Variants in AGPAT5 observed in about 807,000 individuals in gnomAD.
The protein encoded by AGPAT5 is 1-acyl-sn-glycerol-3-phosphate acyltransferase epsilon.
A neutral mutation model predicts 45.6 loss-of-function variants in AGPAT5; 46 were observed. The ratio of observed to expected loss-of-function variants is 1.01; its 90% CI spans 0.80 to 1.29. AGPAT5 has a LOEUF of 1.29. Among genes scored for constraint, AGPAT5 ranks in the 50% most tolerant of loss-of-function variants. The pLI, the probability that AGPAT5 is intolerant of heterozygous loss-of-function variation, is 0.00. For missense variants in AGPAT5, 673 were observed against 450.7 expected (o/e 1.49, Z -4.47); for synonymous variants, 272 against 167.0 (o/e 1.63, Z -4.85).
chr8:6,756,090 T>A (rs983025211), intron 7 of AGPAT5, among the ~76,000 whole-genome samples: 7 of 152,236 alleles, frequency 4.6e-5, no homozygotes, highest in African/African-American at 1.7e-4. Flanking sequence ...TATAAAGCAA[T>A]AGAAGCGCTT....
chr8:6,710,960 G>C (rs1225630079), intron 1 of AGPAT5, among the ~76,000 whole-genome samples: 1 of 152,074 alleles, frequency 6.6e-6, no homozygotes, highest in African/African-American at 2.4e-5. Context: ...CAAGGCTAGT[G>C]ATGATTCTCT....
In AGPAT5 at chr8:6,757,110, G is replaced by T. The variant is rs1307148731; in HGVS notation, c.870-53G>T. 27 of 1,375,440 alleles carry T rather than the reference G, an allele frequency of 2.0e-5. No individual in the cohort carries two copies. In the South Asian group the frequency reaches 3.1e-4, roughly 16 times the overall value. The allele number at this position is 1,375,440 out of a possible 1,614,324, so 85.2% of individuals were successfully genotyped here. ...AATAGCTACCTGATTGATATTTTTT[G>T]AATTGAAATACTGAAGTGACTAAAA... On this transcript the variant is annotated intron_variant, in intron 7 of 7. Coordinates refer to ENST00000285518, the MANE Select transcript of AGPAT5 (RefSeq NM_018361.5).
intron 2 of AGPAT5, among the ~76,000 whole-genome samples, chr8:6,728,043 G>A (rs984865590): frequency 6.6e-6 from 1 of 152,190 alleles, no homozygotes; most frequent in Non-Finnish European, 1.5e-5. Flanking sequence ...CCATGGCAGG[G>A]AAGCGCTGCA....
At chr8:6,737,513 C>G (rs969773622) in intron 4 of AGPAT5, among the ~76,000 whole-genome samples, 1 of 152,064 alleles carries the variant, frequency 6.6e-6, no homozygotes, top group African/African-American at 2.4e-5. Context: ...ATTGCTGGGA[C>G]AATACAGTAT....
At chr8:6,732,536 C>G (rs762471694) in intron 3 of AGPAT5, 25 bp from the exon 4 acceptor site, 5 of 1,569,802 alleles carry the variant, frequency 3.2e-6, no homozygotes, top group Non-Finnish European at 4.3e-6. Flanking sequence ...AGTAAATGCT[C>G]TTTCTCCCGA....
At chr8:6,720,100 G>A (rs756118659) in intron 1 of AGPAT5, among the ~76,000 whole-genome samples, 2 of 152,140 alleles carry the variant, frequency 1.3e-5, no homozygotes, top group African/African-American at 2.4e-5. Flanking sequence ...TGATGTAGTG[G>A]AAGAAGTGCT....
intron 5 of AGPAT5, among the ~76,000 whole-genome samples, chr8:6,743,515 A>G (rs1187351955): frequency 1.3e-5 from 2 of 152,246 alleles, no homozygotes; most frequent in African/African-American, 4.8e-5. Context: ...TATTCACAAA[A>G]AGAACAAATT....
At position 6,717,733 on chromosome 8, in the gene AGPAT5, G is replaced by T. The variant is rs562690259; in HGVS notation, c.220-7137G>T. Among the ~76,000 whole-genome samples, 3 of 152,312 alleles carry T rather than the reference G, an allele frequency of 2.0e-5. No individual in the cohort carries two copies. The South Asian group carries it at 6.2e-4, about 32-fold the overall frequency. Reference sequence around the variant, plus strand: ...CCAGCTCTTGGTGCACTTACATATTGCATTGCTTCCGGGCTTAATTTGTGT... The same window carrying T: ...CCAGCTCTTGGTGCACTTACATATTTCATTGCTTCCGGGCTTAATTTGTGT... On this transcript the variant is annotated intron_variant, in intron 1 of 7. Transcript: ENST00000285518.
chr8:6,730,214 C>A (rs1234868648), intron 2 of AGPAT5, among the ~76,000 whole-genome samples: 6 of 150,714 alleles, frequency 4.0e-5, no homozygotes, highest in Non-Finnish European at 7.4e-5. Flanking sequence ...AAATAAAAAG[C>A]CTTTCAAGAA....
chr8:6,719,572 T>A (rs1800433887), intron 1 of AGPAT5, among the ~76,000 whole-genome samples: 2 of 152,232 alleles, frequency 1.3e-5, no homozygotes, highest in South Asian at 4.1e-4. Flanking sequence ...TCCAAATATT[T>A]GCAAATCAGA....
intron 4 of AGPAT5, among the ~76,000 whole-genome samples, chr8:6,738,761 T>A (rs1801141033): frequency 6.6e-6 from 1 of 152,232 alleles, no homozygotes. Flanking sequence ...AGTATCTTTT[T>A]TGAGTACGTG....
intron 6 of AGPAT5, among the ~76,000 whole-genome samples, chr8:6,748,410 A>C (rs780608195): frequency 1.3e-5 from 2 of 152,370 alleles, no homozygotes; most frequent in Non-Finnish European, 2.9e-5. Context: ...GGAAATAGGC[A>C]AACAGGGAAG....
intron 4 of AGPAT5, chr8:6,738,454 C>G (rs1475527478): frequency 6.6e-6 from 1 of 152,132 alleles, no homozygotes; most frequent in East Asian, 1.9e-4. Flanking sequence ...CACCCCCAAA[C>G]AATTACAATA....
At chr8:6,742,901 A>G (rs555563321) in intron 5 of AGPAT5, among the ~76,000 whole-genome samples, 8 of 152,306 alleles carry the variant, frequency 5.3e-5, no homozygotes, top group African/African-American at 1.4e-4. Context: ...TCCTCTGTCT[A>G]ATAGACATGA....
At chr8:6,715,839 C>T (rs1246158717) in intron 1 of AGPAT5, among the ~76,000 whole-genome samples, 1 of 152,114 alleles carries the variant, frequency 6.6e-6, no homozygotes, top group African/African-American at 2.4e-5. Flanking sequence ...ATAAAAATTA[C>T]TTGGAGTTTT....
At chr8:6,740,479 A>G (rs567210171) in intron 4 of AGPAT5, among the ~76,000 whole-genome samples, 7 of 148,408 alleles carry the variant, frequency 4.7e-5, no homozygotes, top group African/African-American at 1.5e-4. Flanking sequence ...CATATAAATT[A>G]TTGTTTAATA....
chr8:6,750,226 G>GCT (rs1801614985), intron 6 of AGPAT5, among the ~76,000 whole-genome samples: 1 of 152,130 alleles, frequency 6.6e-6, no homozygotes, highest in East Asian at 1.9e-4. Flanking sequence ...TTAGCACAGG[G>GCT]CTCTGCCTTT....
At chr8:6,746,880 G>C (rs1017504698) in intron 5 of AGPAT5, among the ~76,000 whole-genome samples, 2 of 152,182 alleles carry the variant, frequency 1.3e-5, no homozygotes, top group Non-Finnish European at 2.9e-5. Flanking sequence ...GGAAAAGGGA[G>C]GTAATAGGAA....
chr8:6,741,587 T>A, intron 4 of AGPAT5, 74 bp from the exon 5 acceptor site: 1 of 1,028,672 alleles, frequency 9.7e-7, no homozygotes, highest in Non-Finnish European at 1.5e-6. Flanking sequence ...ATTAGTAGGT[T>A]TAGCTTTTTT....
Sources: allele counts gnomAD v4.1 joint callset (sites outside exome capture counted in the v4.1 genomes callset), GRCh38; gene constraint gnomAD v4.1.1; transcripts MANE v1.5; gene names NCBI Gene and HGNC (gene_info 2026-07-23, HGNC 2026-07-21).